The following TMEM38A variants were observed in gnomAD, a reference collection of about 807,000 sequenced individuals.
The protein encoded by TMEM38A is transmembrane protein 38A.
A neutral mutation model predicts 28.6 loss-of-function variants in TMEM38A; 17 were observed. The ratio of observed to expected loss-of-function variants is 0.60; its 90% confidence interval spans 0.41 to 0.89. The LOEUF (loss-of-function observed/expected upper bound fraction) is 0.89. TMEM38A is among the 40% of genes least tolerant of loss of function. The probability of loss-of-function intolerance (pLI) is 0.00; values close to 1 mark genes in which losing one functional copy is unlikely to be tolerated. For missense variants in TMEM38A, 328 were observed against 393.1 expected (o/e 0.83, Z 1.40); for synonymous variants, 169 against 166.1 (o/e 1.02, Z -0.14).
chr19:16,668,996 T>C (rs1468650530), intron 1 of TMEM38A, among the ~76,000 whole-genome samples: 3 of 151,698 alleles, frequency 2.0e-5, no homozygotes, highest in Non-Finnish European at 4.4e-5. Context: ...GCCTGGCTAA[T>C]TTTTTGTATT....
At position 16,679,773 on chromosome 19, in the gene TMEM38A, A is replaced by G. The variant is rs1215779021; in HGVS notation, c.125-211A>G. On this transcript the variant is annotated intron_variant, in intron 1 of 5. Transcript: ENST00000187762. ...CATCATTGCCACCTCTCTGGGCATG[A>G]AGGAAAGGACTCCCACTCGGCTCTC... 3.3e-5 allele frequency among the ~76,000 whole-genome samples: 5 copies of G among 152,298 alleles called. No homozygotes were observed. In the East Asian group the frequency reaches 9.6e-4, roughly 29 times the overall value.
At chr19:16,663,043 G>A (rs1335602267) in intron 1 of TMEM38A, among the ~76,000 whole-genome samples, 1 of 151,922 alleles carries the variant, frequency 6.6e-6, no homozygotes, top group East Asian at 2.0e-4. Flanking sequence ...CACTTTGGGA[G>A]GCCAAGACGG....
At chr19:16,667,632 G>A (rs542375070) in intron 1 of TMEM38A, among the ~76,000 whole-genome samples, 12 of 152,142 alleles carry the variant, frequency 7.9e-5, no homozygotes, top group Non-Finnish European at 1.5e-4. Context: ...CAAGGCGGGT[G>A]GATCACTTGA....
intron 1 of TMEM38A, among the ~76,000 whole-genome samples, chr19:16,669,297 C>T (rs2086716691): frequency 6.7e-6 from 1 of 149,584 alleles, no homozygotes; most frequent in East Asian, 2.0e-4. Context: ...ACCTCCGGCT[C>T]ACTGGTTCAA....
intron 1 of TMEM38A, among the ~76,000 whole-genome samples, chr19:16,676,524 C>T (rs1305100441): frequency 6.6e-6 from 1 of 151,996 alleles, no homozygotes; most frequent in Non-Finnish European, 1.5e-5. Context: ...TAAAGTTGTT[C>T]TCTGCAAAAC....
chr19:16,679,590 G>A (rs2086770821), intron 1 of TMEM38A, among the ~76,000 whole-genome samples: 1 of 151,996 alleles, frequency 6.6e-6, no homozygotes, highest in Admixed American at 6.6e-5. Flanking sequence ...ACCATGCCCG[G>A]CCCAGAGTAG....
At chr19:16,670,380 T>G (rs573679479) in intron 1 of TMEM38A, among the ~76,000 whole-genome samples, 3 of 151,890 alleles carry the variant, frequency 2.0e-5, no homozygotes, top group Non-Finnish European at 4.4e-5. Context: ...GTTCAAGCGA[T>G]TCTCCTGCCT....
intron 1 of TMEM38A, among the ~76,000 whole-genome samples, chr19:16,666,669 T>C (rs1014598194): frequency 6.6e-6 from 1 of 152,020 alleles, no homozygotes; most frequent in Admixed American, 6.6e-5. Flanking sequence ...TGATTAGAAA[T>C]GCAGAGCCCC....
Position 16,688,139 on chromosome 19 carries a change from C to T in TMEM38A, c.673-5C>T. The T allele has an allele frequency of 1.4e-6, 2 of 1,436,690 alleles. No individual in the cohort carries two copies. Among genetic ancestry groups the T allele is most frequent in the Non-Finnish European group, 1.8e-6 (2 of 1,086,836 alleles). 89.0% of individuals were successfully genotyped at this position (1,436,690 alleles called of 1,614,324 possible). A position where few individuals can be genotyped will look rare whatever the true frequency, so the allele number is the denominator to read the frequency against. ...CTTGCTGTCTCCCTGGCCACCCCACCTCAGGTGTTTCTGACAGCCACCCAC... is the reference window on the plus strand; with the variant it reads ...CTTGCTGTCTCCCTGGCCACCCCACTTCAGGTGTTTCTGACAGCCACCCAC... On this transcript the variant is annotated splice_polypyrimidine_tract_variant and splice_region_variant and intron_variant, in intron 5 of 5. Transcript: ENST00000187762.
intron 3 of TMEM38A, among the ~76,000 whole-genome samples, chr19:16,681,746 C>G (rs370051233): frequency 6.6e-6 from 1 of 152,170 alleles, no homozygotes; most frequent in Admixed American, 6.5e-5. Flanking sequence ...CCCTCCCCAG[C>G]TGTGACAACT....
intron 3 of TMEM38A, chr19:16,680,864 G>A: frequency 4.8e-6 from 2 of 414,234 alleles, no homozygotes; most frequent in South Asian, 5.4e-5. Context: ...CTGACATGTG[G>A]GGCTGGATCA....
chr19:16,684,924 C>A (rs1357368474), intron 4 of TMEM38A, among the ~76,000 whole-genome samples: 1 of 151,100 alleles, frequency 6.6e-6, no homozygotes, highest in Non-Finnish European at 1.5e-5. Context: ...TGGCACATAA[C>A]TCTAGCCCTA....
At chr19:16,672,589 C>T (rs919569904) in intron 1 of TMEM38A, among the ~76,000 whole-genome samples, 2 of 151,558 alleles carry the variant, frequency 1.3e-5, no homozygotes, top group African/African-American at 4.9e-5. Flanking sequence ...GCTGAGATTA[C>T]AGGCGCATGC....
Position 16,688,329 on chromosome 19 carries a change from G to A in TMEM38A, c.858G>A (p.Leu286=). ...SAMPAKSKEE[L]SEGSRKKKAK... The stretch of plus-strand genomic sequence containing the variant: ...TGCCCGCCAAGTCCAAGGAGGAGTT[G>A]AGCGAGGGCTCCAGGAAGAAGAAGG... The change falls in exon 6 of 6, where the codon TTG becomes TTA. Residue 286 remains leucine (L), a synonymous_variant. Coordinates refer to ENST00000187762, the MANE Select transcript of TMEM38A (RefSeq NM_024074.4). 1.2e-6 allele frequency: 2 copies of A among 1,606,552 alleles called. No homozygotes were observed. The highest frequency in any genetic ancestry group is 1.7e-6 in the Non-Finnish European group (2 of 1,176,778).
At chr19:16,682,183 G>A (rs1201153252) in intron 3 of TMEM38A, among the ~76,000 whole-genome samples, 1 of 152,036 alleles carries the variant, frequency 6.6e-6, no homozygotes, top group African/African-American at 2.4e-5. Flanking sequence ...TTGCAGGTGG[G>A]GACATGACTG....
intron 3 of TMEM38A, among the ~76,000 whole-genome samples, chr19:16,681,685 A>G (rs1013510990): frequency 6.6e-6 from 1 of 152,178 alleles, no homozygotes; most frequent in African/African-American, 2.4e-5. Flanking sequence ...TGTGCATTAT[A>G]CAATGGTGAG....
At chr19:16,667,286 A>C (rs1273529310) in intron 1 of TMEM38A, among the ~76,000 whole-genome samples, 2 of 151,530 alleles carry the variant, frequency 1.3e-5, no homozygotes, top group African/African-American at 2.4e-5. Context: ...CAGGAAAAAA[A>C]AAAAGAGAAA....
chr19:16,679,064 G>C (rs952080106), intron 1 of TMEM38A, among the ~76,000 whole-genome samples: 1 of 150,838 alleles, frequency 6.6e-6, no homozygotes, highest in African/African-American at 2.4e-5. Flanking sequence ...CAGGAGGATC[G>C]CTTGAACCTG....
chr19:16,678,359 G>A (rs140415658), intron 1 of TMEM38A, among the ~76,000 whole-genome samples: 2,107 of 151,038 alleles, frequency 0.014, 46 homozygotes, highest in African/African-American at 0.049. Context: ...AACCCGGGAG[G>A]AGGAGGTTGC....
Sources: gnomAD v4.1 joint callset for allele counts (sites outside exome capture counted in the v4.1 genomes callset) on GRCh38, gnomAD v4.1.1 for gene constraint, MANE v1.5 for transcripts, NCBI Gene and HGNC (gene_info 2026-07-23, HGNC 2026-07-21) for gene names.